Variants in CA14 observed in about 807,000 individuals in gnomAD.
The protein encoded by CA14 is CA-XIV.
Under a neutral mutation model 48.8 loss-of-function variants are expected in CA14, and 44 were observed. The ratio of observed to expected loss-of-function variants is 0.90; its 90% CI spans 0.71 to 1.16. The LOEUF (loss-of-function observed/expected upper bound fraction) is 1.16. Ranked by LOEUF, CA14 falls within the 50% of genes most tolerant of loss-of-function variation. The pLI, the probability that CA14 is intolerant of heterozygous loss-of-function variation, is 0.00. For synonymous variants in CA14, 154 were observed against 155.0 expected (o/e 0.99, Z 0.05); for missense variants, 386 against 401.0 (o/e 0.96, Z 0.32).
At chr1:150,264,450 G>A (rs1319917126) in intron 10 of CA14, 143 bp from the exon 11 acceptor site, 9 of 564,678 alleles carry the variant, frequency 1.6e-5, no homozygotes, top group Admixed American at 1.3e-4. Flanking sequence ...TGATCCGCCC[G>A]CCTCAGCCTC....
Position 150,260,144 on chromosome 1 carries a change from C to T in CA14, c.56-7C>T, listed in dbSNP as rs782722400. ...CTGGCTGTAACCCAAACTATTCTGCCTTGCAGGTCAACACTGGACGTATGA... is the reference window on the plus strand; with the variant it reads ...CTGGCTGTAACCCAAACTATTCTGCTTTGCAGGTCAACACTGGACGTATGA... On this transcript the variant is annotated splice_polypyrimidine_tract_variant and splice_region_variant and intron_variant, in intron 1 of 10. Coordinates refer to ENST00000369111, the MANE Select transcript of CA14 (RefSeq NM_012113.3). The T allele has an allele frequency of 6.2e-7, 1 of 1,613,530 alleles. No individual in the cohort carries two copies. The highest frequency in any genetic ancestry group is 8.5e-7 in the Non-Finnish European group (1 of 1,179,830).
chr1:150,264,688 T>A lies in CA14; in HGVS notation c.*29T>A. 1 of 1,592,518 alleles carries A rather than the reference T, an allele frequency of 6.3e-7. No individual in the cohort carries two copies. Among genetic ancestry groups the A allele is most frequent in the Non-Finnish European group, 8.6e-7 (1 of 1,162,606 alleles). ...CCTTCTCAGATACCATGGATGTGGATGACTTCCCTTCATGCCTATCAGGAA... is the reference window on the plus strand; with the variant it reads ...CCTTCTCAGATACCATGGATGTGGAAGACTTCCCTTCATGCCTATCAGGAA... On this transcript the variant is annotated 3_prime_UTR_variant, in exon 11 of 11. Transcript: ENST00000369111.
At position 150,264,582 on chromosome 1, in the gene CA14, C is replaced by T. The variant is rs782060250; in HGVS notation, c.948-11C>T. ...ATAGCAGTCATTCTCATGAGCCATT[C>T]CCCTTTCCAGGAAGAAGAGGCTGGA... On this transcript the variant is annotated splice_polypyrimidine_tract_variant and intron_variant, in intron 10 of 10. Transcript: ENST00000369111. The T allele has an allele frequency of 1.6e-5, 24 of 1,538,230 alleles. No homozygotes were observed. In the East Asian group the frequency reaches 5.4e-4, roughly 35 times the overall value.
rs587606295 is a variant in CA14 at position 150,259,172 on chromosome 1, G to T, written c.56-979G>T. The stretch of plus-strand genomic sequence containing the variant: ...GCTCTCCCTTGGGCTAGCAGAATAG[G>T]TCAAGGATAAGAGCAGGACATCTCA... On this transcript the variant is annotated intron_variant, in intron 1 of 10. Transcript: ENST00000369111. Among the ~76,000 whole-genome samples the T allele has an allele frequency of 1.1e-3, 169 of 152,286 alleles. 1 individual carries two copies. Among genetic ancestry groups the T allele is most frequent in the Admixed American group, 3.1e-3 (48 of 15,296 alleles).
Position 150,262,271 on chromosome 1 carries a change from C to T in CA14, c.370C>T (p.Gln124Ter), listed in dbSNP as rs782002426. ...AGGATCCCCAGGGGGGTCAGAACAC[C>T]AGATCAACAGTGAAGCCACATTTGC... ...QKGSPGGSEH[Q>*]INSEATFAEL... The change falls in exon 4 of 11, where the codon CAG becomes TAG. Residue 124 changes from glutamine (Q) to a stop codon, truncating the protein, a stop_gained. Coordinates refer to ENST00000369111, the MANE Select transcript of CA14 (RefSeq NM_012113.3). LOFTEE classifies it high-confidence loss of function. 1 of 1,606,574 alleles carries T rather than the reference C, an allele frequency of 6.2e-7. No homozygotes were observed. Among genetic ancestry groups the T allele is most frequent in the Non-Finnish European group, 8.5e-7 (1 of 1,176,748 alleles).
At chr1:150,264,403 A>C (rs1553848866) in intron 10 of CA14, among the ~76,000 whole-genome samples, 190 bp from the exon 11 acceptor site, 1 of 151,384 alleles carries the variant, frequency 6.6e-6, no homozygotes, top group Non-Finnish European at 1.5e-5. Flanking sequence ...GGTTTTCACT[A>C]CATTGCCCAG....
Position 150,263,868 on chromosome 1 carries a change from A to G in CA14, c.937A>G (p.Arg313Gly), listed in dbSNP as rs371550590. ...CLLLAVYFIA[R>G]KIRKKRLENR... ...TCTCCTGGCTGTTTATTTCATTGCTAGAAAGATTCGGTGAGGCCCTACTTT... is the reference window on the plus strand; with the variant it reads ...TCTCCTGGCTGTTTATTTCATTGCTGGAAAGATTCGGTGAGGCCCTACTTT... The change falls in exon 10 of 11, where the codon AGA becomes GGA. Residue 313 changes from arginine (R) to glycine (G), a missense_variant. Arg to Gly is a moderately radical substitution (Grantham distance 125). Coordinates refer to ENST00000369111, the MANE Select transcript of CA14 (RefSeq NM_012113.3). 1.9e-6 allele frequency: 3 copies of G among 1,608,036 alleles called. No individual in the cohort carries two copies. Among genetic ancestry groups the G allele is most frequent in the Non-Finnish European group, 2.6e-6 (3 of 1,175,458 alleles).
chr1:150,262,778 ACTCT>A, intron 5 of CA14, 22 bp from the exon 6 acceptor site: 1 of 1,573,898 alleles, frequency 6.4e-7, no homozygotes. Context: ...CTCATTCCAA[ACTCT>A]CTCCCTTTCC....
chr1:150,263,909 C>CTTA, intron 10 of CA14, 31 bp downstream of exon 10: 35 of 1,265,086 alleles, frequency 2.8e-5, no homozygotes, highest in African/African-American at 1.1e-4. Context: ...CCTCCAGTCC[C>CTTA]TTCTTCTTTT....
chr1:150,262,519 C>G lies in CA14; in HGVS notation c.400-6C>G, dbSNP rs1553848091. 2 of 1,611,156 alleles carry G rather than the reference C, an allele frequency of 1.2e-6. No homozygotes were observed. The highest frequency in any genetic ancestry group is 1.7e-6 in the Non-Finnish European group (2 of 1,177,302). On this transcript the variant is annotated splice_polypyrimidine_tract_variant and splice_region_variant and intron_variant, in intron 4 of 10. Coordinates refer to ENST00000369111, the MANE Select transcript of CA14 (RefSeq NM_012113.3). Reference sequence around the variant, plus strand: ...CCATGATTCAATTCCCTCTTCCTTCCTTTAGCTCCACATTGTACATTATGA... The same window carrying G: ...CCATGATTCAATTCCCTCTTCCTTCGTTTAGCTCCACATTGTACATTATGA...
chr1:150,258,938 G>A (rs1650769280), intron 1 of CA14, among the ~76,000 whole-genome samples: 1 of 152,170 alleles, frequency 6.6e-6, no homozygotes, highest in Non-Finnish European at 1.5e-5. Context: ...AGAGCAGAAG[G>A]CAAATGCAGA....
In CA14 at chr1:150,262,680, A is replaced by G; in HGVS notation, c.495+60A>G. ...CACTTCCTCTGCAACCCTCAAACCT[A>G]TTTCTGTTGCTGGCCTCCTTCCTAT... On this transcript the variant is annotated intron_variant, in intron 5 of 10. Coordinates refer to ENST00000369111, the MANE Select transcript of CA14 (RefSeq NM_012113.3). 2 of 1,447,838 alleles carry G rather than the reference A, an allele frequency of 1.4e-6. 1 individual carries two copies. The highest frequency in any genetic ancestry group is 2.3e-5 in the South Asian group (2 of 87,896). 89.7% of individuals were successfully genotyped at this position (1,447,838 alleles called of 1,614,324 possible). A position where few individuals can be genotyped will look rare whatever the true frequency, so the allele number is the denominator to read the frequency against.
chr1:150,263,984 T>A, intron 10 of CA14, 106 bp downstream of exon 10: 2 of 807,096 alleles, frequency 2.5e-6, no homozygotes, highest in Non-Finnish European at 4.0e-6. Flanking sequence ...AGTGCAGTGG[T>A]GTGCAATCTC....
chr1:150,264,211 C>T (rs1228405102), intron 10 of CA14, among the ~76,000 whole-genome samples: 2 of 145,584 alleles, frequency 1.4e-5, no homozygotes, highest in African/African-American at 2.6e-5. Context: ...TAGGCATGAG[C>T]CACCCGCTTT....
At chr1:150,263,005 A>G in intron 6 of CA14, 37 bp from the exon 7 acceptor site, 1 of 1,612,380 alleles carries the variant, frequency 6.2e-7, no homozygotes, top group Non-Finnish European at 8.5e-7. Flanking sequence ...GCTAGGGCAC[A>G]CTGAAAGGAA....
chr1:150,264,274 C>G (rs192284368), intron 10 of CA14, among the ~76,000 whole-genome samples: 2 of 152,046 alleles, frequency 1.3e-5, no homozygotes, highest in African/African-American at 4.8e-5. Context: ...TTTATCACAG[C>G]TCACTGCAAC....
At chr1:150,263,915 C>CTT (rs34291619) in intron 10 of CA14, 37 bp downstream of exon 10, 105,363 of 849,508 alleles carry the variant, frequency 0.12, 1,532 homozygotes, top group Non-Finnish European at 0.13. Flanking sequence ...GTCCCTTCTT[C>CTT]TTTTTTTTTT....
chr1:150,264,112 G>C lies in CA14; in HGVS notation c.947+234G>C, dbSNP rs187884590. On this transcript the variant is annotated intron_variant, in intron 10 of 10. Transcript: ENST00000369111. Reference sequence around the variant, plus strand: ...AGCTAATTTTTGTACTTTTAGTAGAGACAAGGTTTCACCATATTGGCCAGG... The same window carrying C: ...AGCTAATTTTTGTACTTTTAGTAGACACAAGGTTTCACCATATTGGCCAGG... Among the ~76,000 whole-genome samples, 164 of 152,184 alleles carry C rather than the reference G, an allele frequency of 1.1e-3. 2 individuals are homozygous for C. The highest frequency in any genetic ancestry group is 3.5e-3 in the African/African-American group (144 of 41,518).
chr1:150,260,304 C>T, intron 2 of CA14, 133 bp downstream of exon 2: 1 of 857,930 alleles, frequency 1.2e-6, no homozygotes, highest in Non-Finnish European at 2.0e-6. Flanking sequence ...TGGATCTCCT[C>T]CTGCCTTGAG....
Sources: gnomAD v4.1 joint callset for allele counts (sites outside exome capture counted in the v4.1 genomes callset) on GRCh38, gnomAD v4.1.1 for gene constraint, MANE v1.5 for transcripts, NCBI Gene and HGNC (gene_info 2026-07-23, HGNC 2026-07-21) for gene names.